TRIM44: variants seen among roughly 807,000 people sequenced by gnomAD.
TRIM44 encodes tripartite motif containing 44, also known as tripartite motif-containing protein 44.
In TRIM44, 13 loss-of-function variants were observed where a neutral mutation model predicts 37.4. The observed-to-expected ratio is 0.35, with a 90% CI of 0.23 to 0.55. The LOEUF (loss-of-function observed/expected upper bound fraction) is 0.55, where lower values mean the gene tolerates loss of function less well. Ranked by LOEUF, TRIM44 falls within the 20% of genes least tolerant of loss-of-function variation. The pLI is 0.89. For synonymous variants in TRIM44, 175 were observed against 157.2 expected, an observed-to-expected ratio of 1.11 and a Z score of -0.85; for missense variants, 426 against 437.2, an observed-to-expected ratio of 0.97 and a Z score of 0.23.
chr11:35,744,937 A>C (rs140984644), intron 4 of TRIM44, among the ~76,000 whole-genome samples: 1 of 152,186 alleles, frequency 6.6e-6, no homozygotes, highest in Non-Finnish European at 1.5e-5. Context: ...TCCATGGTGT[A>C]TATGTATCAC....
At chr11:35,766,905 A>G (rs143265738) in intron 4 of TRIM44, among the ~76,000 whole-genome samples, 29 of 152,354 alleles carry the variant, frequency 1.9e-4, no homozygotes, top group Admixed American at 5.2e-4. Context: ...AATGAGTTCA[A>G]TTATTAACAA....
chr11:35,754,838 C>A (rs998344507), intron 4 of TRIM44, among the ~76,000 whole-genome samples: 7 of 152,208 alleles, frequency 4.6e-5, no homozygotes, highest in African/African-American at 1.7e-4. Context: ...ATGAACTCAT[C>A]CTTTTTTATG....
rs999746047 is a variant in TRIM44, at chr11:35,812,530, T to C, written c.*6145T>C. The stretch of plus-strand genomic sequence containing the variant: ...ACCAATACTATCATTCCCCACTTTG[T>C]TGCTCAGGAATCAAATTTAGAGAAT... On this transcript the variant is annotated 3_prime_UTR_variant, in exon 5 of 5. Transcript: ENST00000299413. 3.3e-5 allele frequency: 5 copies of C among 152,196 alleles called. No individual in the cohort carries two copies. The highest frequency in any genetic ancestry group is 1.2e-4 in the African/African-American group (5 of 41,450). The allele number at this position is 152,196 out of a possible 1,614,324, so 9.4% of individuals were successfully genotyped here.
chr11:35,665,921 T>C (rs1045450744), intron 1 of TRIM44, among the ~76,000 whole-genome samples: 1 of 152,050 alleles, frequency 6.6e-6, no homozygotes, highest in African/African-American at 2.4e-5. Flanking sequence ...TGTTGTTCTT[T>C]CTATGTGGGT....
rs548364250 is a variant in TRIM44 at position 35,748,967 on chromosome 11, G to A, written c.1007+13522G>A. On this transcript the variant is annotated intron_variant, in intron 4 of 4. Coordinates refer to ENST00000299413, the MANE Select transcript of TRIM44 (RefSeq NM_017583.6). The stretch of plus-strand genomic sequence containing the variant: ...TTAGAACCAAACTTCCATGATGTAT[G>A]TATTTTTCATGGGAAAAAATGCCAT... Among the ~76,000 whole-genome samples, 146 of 152,240 alleles carry A rather than the reference G, an allele frequency of 9.6e-4. 1 individual carries two copies. Among genetic ancestry groups the A allele is most frequent in the African/African-American group, 3.2e-3 (134 of 41,540 alleles).
At position 35,663,161 on chromosome 11, in the gene TRIM44, C is replaced by T. The variant is rs1425921440; in HGVS notation, c.50C>T (p.Thr17Met). Residue 17 changes from threonine (T) to methionine (M), a missense_variant, in exon 1 of 5, where the codon ACG (threonine) becomes ATG (methionine). Thr to Met is a moderately conservative substitution (Grantham distance 81). This residue lies in a region of TRIM44 where 331 missense variants were observed against 303.0 expected (regional missense o/e 1.09). Transcript: ENST00000299413. ...AAFEELPHDGTCDECEPDEAP... is the reference protein window; with the variant it reads ...AAFEELPHDGMCDECEPDEAP... ...TTCGAGGAACTGCCTCACGACGGCA[C>T]GTGTGACGAGTGCGAGCCCGACGAG... 5.1e-6 allele frequency: 8 copies of T among 1,561,508 alleles called. No homozygotes were observed. The highest frequency in any genetic ancestry group is 1.4e-5 in the African/African-American group (1 of 73,730).
At chr11:35,806,076 A>G (rs1425860611) in intron 4 of TRIM44, among the ~76,000 whole-genome samples, 1 of 152,206 alleles carries the variant, frequency 6.6e-6, no homozygotes. Flanking sequence ...ATAGCTGCTC[A>G]CGTACTGTAT....
intron 1 of TRIM44, among the ~76,000 whole-genome samples, chr11:35,664,889 C>A (rs530812379): frequency 1.3e-5 from 2 of 152,214 alleles, no homozygotes; most frequent in African/African-American, 4.8e-5. Context: ...ATCTTGACTT[C>A]TGTGATCATT....
At position 35,811,006 on chromosome 11, in the gene TRIM44, G is replaced by T. The variant is rs1014256281; in HGVS notation, c.*4621G>T. ...CTGCTATCCCAGGATGTTCGGACTT[G>T]GTGCCCCTGTGCATTTGGAAATCAA... On this transcript the variant is annotated 3_prime_UTR_variant, in exon 5 of 5. Coordinates refer to ENST00000299413, the MANE Select transcript of TRIM44 (RefSeq NM_017583.6). The T allele has an allele frequency of 2.0e-5, 3 of 152,250 alleles. No individual in the cohort carries two copies. Among genetic ancestry groups the T allele is most frequent in the East Asian group, 1.9e-4 (1 of 5,184 alleles). The allele number at this position is 152,250 out of a possible 1,614,324, so 9.4% of individuals were successfully genotyped here. A position where few individuals can be genotyped will look rare whatever the true frequency, so the allele number is the denominator to read the frequency against.
chr11:35,677,672 T>G (rs1042198995), intron 1 of TRIM44, among the ~76,000 whole-genome samples: 2 of 152,230 alleles, frequency 1.3e-5, no homozygotes, highest in African/African-American at 4.8e-5. Context: ...TCTTTTGGTC[T>G]ATTTATTCAT....
At chr11:35,789,830 G>A (rs189608002) in intron 4 of TRIM44, among the ~76,000 whole-genome samples, 8 of 152,274 alleles carry the variant, frequency 5.3e-5, no homozygotes, top group East Asian at 3.9e-4. Context: ...TCCAGGTATC[G>A]TAAATACATC....
In TRIM44 at chr11:35,718,368, G is replaced by A. The variant is rs377512355; in HGVS notation, c.748-7556G>A. Among the ~76,000 whole-genome samples, 82 of 152,214 alleles carry A rather than the reference G, an allele frequency of 5.4e-4. 1 individual carries two copies. The South Asian group carries it at 0.016, about 30-fold the overall frequency. On this transcript the variant is annotated intron_variant, in intron 2 of 4. Transcript: ENST00000299413. ...GTATTAGGTTGGTGTAAAAGTAATT[G>A]CAGTTTTTGCCAGTGAAATGGCACC...
At chr11:35,757,208 G>C (rs563301193) in intron 4 of TRIM44, among the ~76,000 whole-genome samples, 2 of 152,118 alleles carry the variant, frequency 1.3e-5, no homozygotes, top group Non-Finnish European at 2.9e-5. Flanking sequence ...CAGAGATTCA[G>C]CTTCTTCCTG....
intron 4 of TRIM44, among the ~76,000 whole-genome samples, chr11:35,764,809 C>T (rs554052905): frequency 6.6e-6 from 1 of 152,210 alleles, no homozygotes; most frequent in Non-Finnish European, 1.5e-5. Context: ...GCTTTATATC[C>T]TGGCATTTTA....
chr11:35,774,297 C>T (rs1361979574), intron 4 of TRIM44, among the ~76,000 whole-genome samples: 1 of 152,152 alleles, frequency 6.6e-6, no homozygotes. Context: ...TCATATCCTT[C>T]ACCCACTTTT....
chr11:35,744,399 C>T (rs966893893), intron 4 of TRIM44, among the ~76,000 whole-genome samples: 10 of 152,148 alleles, frequency 6.6e-5, no homozygotes, highest in East Asian at 5.8e-4. Context: ...ACTAGCTTTA[C>T]GTAATTGTTC....
At chr11:35,723,845 G>T (rs766441310) in intron 2 of TRIM44, among the ~76,000 whole-genome samples, 1 of 152,202 alleles carries the variant, frequency 6.6e-6, no homozygotes, top group Non-Finnish European at 1.5e-5. Context: ...TTTGGTCTCT[G>T]AGAGAAGGAC....
chr11:35,702,328 C>G (rs557156757), intron 2 of TRIM44, among the ~76,000 whole-genome samples: 1 of 152,196 alleles, frequency 6.6e-6, no homozygotes, highest in Admixed American at 6.5e-5. Context: ...GCGGCCCGTG[C>G]GCATCCACCG....
At chr11:35,774,868 G>T (rs1039874149) in intron 4 of TRIM44, among the ~76,000 whole-genome samples, 4 of 152,020 alleles carry the variant, frequency 2.6e-5, no homozygotes, top group Admixed American at 6.6e-5. Flanking sequence ...TTGCTTACTG[G>T]AGCTTTGTAG....
Sources: allele counts gnomAD v4.1 joint callset (sites outside exome capture counted in the v4.1 genomes callset), GRCh38; gene constraint gnomAD v4.1.1; regional missense constraint gnomAD v4.1.1; transcripts MANE v1.5; gene names NCBI Gene and HGNC (gene_info 2026-07-23, HGNC 2026-07-21).